The following USP25 variants were observed in gnomAD, a reference collection of about 807,000 sequenced individuals.
The protein encoded by USP25 is ubiquitin carboxyl-terminal hydrolase 25.
In USP25, 85 loss-of-function variants were observed where a neutral mutation model predicts 158.5. The observed-to-expected ratio is 0.54, with a 90% CI of 0.45 to 0.64. The LOEUF is 0.64. USP25 is among the 30% of genes least tolerant of loss of function. The pLI, the probability that USP25 is intolerant of heterozygous loss-of-function variation, is 0.00. For synonymous variants in USP25, 464 were observed against 460.4 expected (o/e 1.01, Z -0.10); for missense variants, 1,242 against 1,327.3 (o/e 0.94, Z 1.00).
chr21:15,772,813 G>GT (rs1326099436), intron 3 of USP25, among the ~76,000 whole-genome samples: 1 of 152,100 alleles, frequency 6.6e-6, no homozygotes, highest in African/African-American at 2.4e-5. Flanking sequence ...TGTGAATTTG[G>GT]TATGTGAGGT....
At chr21:15,848,638 T>C (rs2038741671) in intron 19 of USP25, among the ~76,000 whole-genome samples, 1 of 152,124 alleles carries the variant, frequency 6.6e-6, no homozygotes, top group Non-Finnish European at 1.5e-5. Flanking sequence ...TTTTTTCACG[T>C]AACTTTTTTT....
At chr21:15,752,648 G>A (rs1182477569) in intron 1 of USP25, among the ~76,000 whole-genome samples, 1 of 152,202 alleles carries the variant, frequency 6.6e-6, no homozygotes, top group Non-Finnish European at 1.5e-5. Flanking sequence ...TATATCCATT[G>A]TTCTTTGCTA....
chr21:15,823,777 TAAAG>T (rs1398764197), intron 10 of USP25, among the ~76,000 whole-genome samples: 2 of 152,184 alleles, frequency 1.3e-5, no homozygotes, highest in African/African-American at 4.8e-5. Context: ...AATTCTAATG[TAAAG>T]AATTATTTTC....
chr21:15,854,496 T>A (rs534866620), intron 20 of USP25, among the ~76,000 whole-genome samples: 92 of 151,956 alleles, frequency 6.1e-4, no homozygotes, highest in Non-Finnish European at 9.0e-4. Context: ...CCTGAAAAAA[T>A]CTTGGTCGGG....
intron 23 of USP25, among the ~76,000 whole-genome samples, chr21:15,873,175 T>C (rs192223950): frequency 1.1e-4 from 16 of 152,096 alleles, no homozygotes; most frequent in African/African-American, 3.9e-4. Context: ...AGTGGTATGA[T>C]CATGGCTCAC....
chr21:15,755,441 GCACTGAGTTTTCATTTTTT>G (rs1256414716), intron 1 of USP25, among the ~76,000 whole-genome samples: 4 of 152,006 alleles, frequency 2.6e-5, no homozygotes, highest in African/African-American at 7.2e-5. Flanking sequence ...GTGGATTTTT[GCACTGAGTTTTCATTTTTT>G]ATTGAATCTT....
chr21:15,762,142 A>ACCAGCATGGCACATGT (rs1555827614), intron 1 of USP25, among the ~76,000 whole-genome samples: 89 of 150,944 alleles, frequency 5.9e-4, no homozygotes, highest in African/African-American at 1.6e-3. Flanking sequence ...AAAAGATTTC[A>ACCAGCATGGCACATGT]ATAGATCCTA....
At chr21:15,812,512 G>A (rs1012572884) in intron 9 of USP25, among the ~76,000 whole-genome samples, 10 of 152,138 alleles carry the variant, frequency 6.6e-5, no homozygotes, top group East Asian at 5.8e-4. Context: ...TTAGCCAGGC[G>A]TGGTGGCAGG....
At chr21:15,821,512 TTATAA>T (rs2037235306) in intron 10 of USP25, among the ~76,000 whole-genome samples, 2 of 151,902 alleles carry the variant, frequency 1.3e-5, no homozygotes, top group South Asian at 2.1e-4. Context: ...TTGTACCAAG[TTATAA>T]TAAAGTGCTA....
intron 24 of USP25, among the ~76,000 whole-genome samples, chr21:15,874,934 A>T (rs1052765129): frequency 6.6e-6 from 1 of 152,176 alleles, no homozygotes; most frequent in Non-Finnish European, 1.5e-5. Context: ...TGGAAGGCTG[A>T]GGCTGGTGGA....
At chr21:15,855,076 A>C (rs2039070978) in intron 20 of USP25, among the ~76,000 whole-genome samples, 2 of 152,202 alleles carry the variant, frequency 1.3e-5, no homozygotes. Flanking sequence ...GCTTGTATAT[A>C]TGTGTAGAGG....
chr21:15,838,631 T>C (rs565465194), intron 17 of USP25, among the ~76,000 whole-genome samples: 1 of 152,174 alleles, frequency 6.6e-6, no homozygotes, highest in Non-Finnish European at 1.5e-5. Flanking sequence ...TGTGGACTTT[T>C]AAATACATTT....
chr21:15,791,707 T>C, intron 5 of USP25, 43 bp downstream of exon 5: 1 of 1,558,034 alleles, frequency 6.4e-7, no homozygotes, highest in South Asian at 1.2e-5. Context: ...ATGTGTGTGA[T>C]AGCAATGGAA....
intron 10 of USP25, among the ~76,000 whole-genome samples, chr21:15,822,305 G>T (rs2037275676): frequency 6.6e-6 from 1 of 151,980 alleles, no homozygotes; most frequent in Admixed American, 6.6e-5. Context: ...ATGAGAAAGT[G>T]AAATCCTTCC....
At position 15,791,555 on chromosome 21, in the gene USP25, CA is replaced by C; in HGVS notation, c.447del (p.Glu150LysfsTer22). 1.9e-6 allele frequency: 3 copies of C among 1,611,592 alleles called. No homozygotes were observed. The highest frequency in any genetic ancestry group is 2.5e-6 in the Non-Finnish European group (3 of 1,178,392). The part of the protein sequence containing the change: ...ENKACLKRTP[T>X]EVWRDSRNPY... ...AAAGCATGTTTGAAGAGGACACCTA[CA>C]GAAGTTTGGAGGGATTCTCGAAACC... On this transcript the variant is annotated frameshift_variant, in exon 5 of 26. Coordinates refer to ENST00000400183, the MANE Select transcript of USP25 (RefSeq NM_001283041.3). LOFTEE classifies it high-confidence loss of function.
chr21:15,816,375 C>G lies in USP25; in HGVS notation c.932-2323C>G, dbSNP rs556649466. Among the ~76,000 whole-genome samples the G allele has an allele frequency of 6.6e-6, 1 of 152,258 alleles. No individual in the cohort carries two copies. The highest frequency in any genetic ancestry group is 2.1e-4 in the South Asian group (1 of 4,826). On this transcript the variant is annotated intron_variant, in intron 9 of 25. Coordinates refer to ENST00000400183, the MANE Select transcript of USP25 (RefSeq NM_001283041.3). This position sits in a 1 kb window ranked among gnomAD's most constrained non-coding sequence, Gnocchi z 4.0. Reference sequence around the variant, plus strand: ...TCTTTATCAGCAGCGTGATAATGGACTAATACACTTTCCATATTGAATTCT... The same window carrying G: ...TCTTTATCAGCAGCGTGATAATGGAGTAATACACTTTCCATATTGAATTCT...
chr21:15,798,867 G>T (rs1280711139), intron 5 of USP25, among the ~76,000 whole-genome samples: 2 of 151,064 alleles, frequency 1.3e-5, no homozygotes, highest in East Asian at 3.9e-4. Context: ...GATTTGTGGT[G>T]CCACCTTTAC....
At chr21:15,795,737 CAG>C (rs941962290) in intron 5 of USP25, among the ~76,000 whole-genome samples, 1 of 151,548 alleles carries the variant, frequency 6.6e-6, no homozygotes, top group African/African-American at 2.4e-5. Context: ...TATACACCCA[CAG>C]AGGGGAGGCA....
chr21:15,832,977 C>A (rs1183072031), intron 16 of USP25, among the ~76,000 whole-genome samples: 1 of 152,066 alleles, frequency 6.6e-6, no homozygotes, highest in Non-Finnish European at 1.5e-5. Flanking sequence ...GAGATTGTGT[C>A]ACTGCACTCC....
Sources: allele counts gnomAD v4.1 joint callset (sites outside exome capture counted in the v4.1 genomes callset), GRCh38; gene constraint gnomAD v4.1.1; non-coding constraint Gnocchi (gnomAD v3.1); transcripts MANE v1.5; gene names NCBI Gene and HGNC (gene_info 2026-07-23, HGNC 2026-07-21).